Variants in PAK5 observed in about 807,000 individuals in gnomAD.
PAK5 encodes the protein p21 (RAC1) activated kinase 5.
In PAK5, 16 loss-of-function variants were observed where a neutral mutation model predicts 65.9. That is an observed-to-expected ratio of 0.24 (90% confidence interval 0.16 to 0.37). The LOEUF is 0.37. Among genes scored for constraint, PAK5 ranks in the 10% least tolerant of loss-of-function variants. PAK5 has a pLI of 1.00. For missense variants in PAK5, 785 were observed against 903.9 expected (o/e 0.87, Z 1.69); for synonymous variants, 371 against 354.9 (o/e 1.05, Z -0.51).
At chr20:9,717,722 T>G (rs761422080) in intron 1 of PAK5, among the ~76,000 whole-genome samples, 1 of 152,172 alleles carries the variant, frequency 6.6e-6, no homozygotes, top group Non-Finnish European at 1.5e-5. Flanking sequence ...CAGGTTCAAG[T>G]GATTCTCCTA....
intron 1 of PAK5, among the ~76,000 whole-genome samples, chr20:9,822,306 A>G (rs896040799): frequency 6.6e-6 from 1 of 151,938 alleles, no homozygotes; most frequent in Non-Finnish European, 1.5e-5. Flanking sequence ...AAAAAAAAAA[A>G]AAGCAATTAC....
At chr20:9,820,668 G>A (rs988144355) in intron 1 of PAK5, among the ~76,000 whole-genome samples, 1 of 152,158 alleles carries the variant, frequency 6.6e-6, no homozygotes, top group African/African-American at 2.4e-5. Flanking sequence ...CAAAGAAGGA[G>A]AACAAAACAC....
At chr20:9,647,777 C>T (rs1184554104) in intron 2 of PAK5, among the ~76,000 whole-genome samples, 2 of 152,124 alleles carry the variant, frequency 1.3e-5, no homozygotes, top group East Asian at 1.9e-4. Flanking sequence ...AAAAGGAAAA[C>T]ACAAAACAGC....
At chr20:9,568,171 A>G (rs989321988) in intron 4 of PAK5, among the ~76,000 whole-genome samples, 1 of 152,220 alleles carries the variant, frequency 6.6e-6, no homozygotes, top group East Asian at 1.9e-4. Context: ...GTTGCTAAGC[A>G]GACAGGAATG....
At chr20:9,624,370 T>C (rs941701224) in intron 3 of PAK5, among the ~76,000 whole-genome samples, 13 of 152,062 alleles carry the variant, frequency 8.5e-5, no homozygotes, top group African/African-American at 2.9e-4. Context: ...GGGTATTCAA[T>C]AATGCTGAAC....
At chr20:9,758,551 C>T (rs984856) in intron 1 of PAK5, among the ~76,000 whole-genome samples, 112,234 of 152,114 alleles carry the variant, frequency 0.74, 41,644 homozygotes, top group East Asian at 0.89. Context: ...TCGCATAGAA[C>T]AGTGATAGCT....
chr20:9,691,762 T>C lies in PAK5; in HGVS notation c.-12+19524A>G, dbSNP rs56803104. Among the ~76,000 whole-genome samples, 765 of 152,340 alleles carry C rather than the reference T, an allele frequency of 5.0e-3. 5 individuals carry two copies. The highest frequency in any genetic ancestry group is 0.017 in the African/African-American group (719 of 41,582). On this transcript the variant is annotated intron_variant, in intron 2 of 9. Transcript: ENST00000353224. Reference sequence around the variant, plus strand: ...TACATTCTTTATATCTAAACAATATTGCCCATTTCTTCACAGAACAATACT... The same window carrying C: ...TACATTCTTTATATCTAAACAATATCGCCCATTTCTTCACAGAACAATACT...
At chr20:9,722,237 T>A (rs1236645360) in intron 1 of PAK5, among the ~76,000 whole-genome samples, 1 of 152,158 alleles carries the variant, frequency 6.6e-6, no homozygotes, top group East Asian at 1.9e-4. Context: ...GGAGTTAGCA[T>A]GTACAAATGT....
intron 1 of PAK5, among the ~76,000 whole-genome samples, chr20:9,761,031 C>T (rs536865229): frequency 5.3e-5 from 8 of 152,238 alleles, no homozygotes; most frequent in African/African-American, 1.9e-4. Flanking sequence ...AGTAGTTTTC[C>T]TTAGAGCATA....
At chr20:9,692,199 CT>C (rs199498637) in intron 2 of PAK5, among the ~76,000 whole-genome samples, 3,036 of 117,346 alleles carry the variant, frequency 0.026, 53 homozygotes, top group Non-Finnish European at 0.041. Flanking sequence ...ATATCAGGAC[CT>C]GTTTCATCAG....
intron 1 of PAK5, among the ~76,000 whole-genome samples, chr20:9,773,074 C>T (rs2048851513): frequency 6.6e-6 from 1 of 152,128 alleles, no homozygotes; most frequent in Admixed American, 6.5e-5. Flanking sequence ...ATGATGAATT[C>T]AACAGGGTGT....
intron 4 of PAK5, among the ~76,000 whole-genome samples, chr20:9,567,904 T>G (rs531503743): frequency 6.6e-6 from 1 of 152,302 alleles, no homozygotes; most frequent in South Asian, 2.1e-4. Flanking sequence ...CTGAGGGGGT[T>G]CCGTTGGAGC....
intron 1 of PAK5, among the ~76,000 whole-genome samples, chr20:9,758,182 C>G (rs1783912394): frequency 6.6e-6 from 1 of 152,152 alleles, no homozygotes; most frequent in Admixed American, 6.6e-5. Flanking sequence ...CTTGAGGCAG[C>G]CTTAGCAGGG....
chr20:9,757,923 C>A (rs2048654218), intron 1 of PAK5, among the ~76,000 whole-genome samples: 2 of 152,130 alleles, frequency 1.3e-5, no homozygotes, highest in South Asian at 4.1e-4. Flanking sequence ...GACGCCAAGC[C>A]TCACAGTGAC....
chr20:9,782,927 T>TC (rs1395700770), intron 1 of PAK5, among the ~76,000 whole-genome samples: 2 of 149,168 alleles, frequency 1.3e-5, no homozygotes, highest in Non-Finnish European at 2.9e-5. Context: ...TTTCTTTCTT[T>TC]TTTTTTTTTC....
At chr20:9,605,295 C>G (rs543296426) in intron 3 of PAK5, among the ~76,000 whole-genome samples, 2 of 152,292 alleles carry the variant, frequency 1.3e-5, no homozygotes, top group African/African-American at 4.8e-5. Context: ...GGACACAGAG[C>G]AGAGAGAAAC....
At chr20:9,724,905 A>G (rs1887151308) in intron 1 of PAK5, among the ~76,000 whole-genome samples, 1 of 152,172 alleles carries the variant, frequency 6.6e-6, no homozygotes. Flanking sequence ...GTATAACTGG[A>G]TTGTTCGAAA....
chr20:9,756,490 C>T (rs754562123), intron 1 of PAK5, among the ~76,000 whole-genome samples: 1 of 152,160 alleles, frequency 6.6e-6, no homozygotes, highest in East Asian at 1.9e-4. Flanking sequence ...CCTCCCATCC[C>T]GGCAGCTGCT....
chr20:9,796,334 GAACTAA>G (rs1487157242), intron 1 of PAK5, among the ~76,000 whole-genome samples: 1 of 151,894 alleles, frequency 6.6e-6, no homozygotes, highest in Non-Finnish European at 1.5e-5. Flanking sequence ...GATAATTTGG[GAACTAA>G]AAGATGAAAA....
Sources: allele counts gnomAD v4.1 joint callset (sites outside exome capture counted in the v4.1 genomes callset), GRCh38; gene constraint gnomAD v4.1.1; transcripts MANE v1.5; gene names NCBI Gene and HGNC (gene_info 2026-07-23, HGNC 2026-07-21).